Variants in PSD3 observed in about 807,000 individuals in gnomAD.
PSD3 encodes the protein PH and SEC7 domain-containing protein 3.
In PSD3, 49 loss-of-function variants were observed where a neutral mutation model predicts 105.5. The ratio of observed to expected loss-of-function variants is 0.46; its 90% CI spans 0.37 to 0.59. PSD3 has a LOEUF of 0.59. Ranked by LOEUF, PSD3 falls within the 20% of genes least tolerant of loss-of-function variation. The pLI is 0.00. For synonymous variants in PSD3, 557 were observed against 457.8 expected, an observed-to-expected ratio of 1.22 and a Z score of -2.77; for missense variants, 1,561 against 1,263.8, an observed-to-expected ratio of 1.24 and a Z score of -3.57.
chr8:18,575,842 G>T (rs952154202), intron 12 of PSD3, among the ~76,000 whole-genome samples: 30 of 152,068 alleles, frequency 2.0e-4, no homozygotes, highest in Non-Finnish European at 2.8e-4. Flanking sequence ...TCTGCTGAAA[G>T]AAAAGAGGAA....
intron 10 of PSD3, among the ~76,000 whole-genome samples, chr8:18,642,273 G>A (rs1461932286): frequency 6.6e-6 from 1 of 151,898 alleles, no homozygotes; most frequent in Non-Finnish European, 1.5e-5. Context: ...ATTTTTAAGG[G>A]GCAACTAAAA....
intron 1 of PSD3, among the ~76,000 whole-genome samples, chr8:18,960,941 G>A (rs185980874): frequency 1.1e-3 from 173 of 151,930 alleles, no homozygotes; most frequent in Non-Finnish European, 2.1e-3. Flanking sequence ...CAAAAACTAG[G>A]CTGTTGTGGC....
chr8:18,933,544 T>C (rs559392484), intron 2 of PSD3, among the ~76,000 whole-genome samples: 1 of 152,334 alleles, frequency 6.6e-6, no homozygotes, highest in South Asian at 2.1e-4. Flanking sequence ...CTCGGCTCAC[T>C]GCAACTTCTG....
chr8:18,915,641 T>C (rs1190842694), intron 2 of PSD3, among the ~76,000 whole-genome samples: 1 of 152,112 alleles, frequency 6.6e-6, no homozygotes, highest in African/African-American at 2.4e-5. Context: ...ATGTCACTAA[T>C]CATCATCCAG....
intron 4 of PSD3, among the ~76,000 whole-genome samples, chr8:18,857,981 G>A: frequency 6.6e-6 from 1 of 152,150 alleles, no homozygotes; most frequent in East Asian, 1.9e-4. Context: ...CATTAGACAG[G>A]ACAGAGATTA....
At chr8:18,944,099 T>G (rs1822717205) in intron 1 of PSD3, among the ~76,000 whole-genome samples, 1 of 152,172 alleles carries the variant, frequency 6.6e-6, no homozygotes, top group African/African-American at 2.4e-5. Flanking sequence ...TTTGAAAGTT[T>G]CAGGCCAGTT....
intron 11 of PSD3, among the ~76,000 whole-genome samples, chr8:18,621,731 G>A (rs529101818): frequency 9.9e-5 from 15 of 152,224 alleles, no homozygotes; most frequent in Non-Finnish European, 2.2e-4. Flanking sequence ...ACAGCCAAGT[G>A]CCAAGGGAAG....
chr8:18,969,638 A>C (rs1279818188), intron 1 of PSD3, among the ~76,000 whole-genome samples: 1 of 152,244 alleles, frequency 6.6e-6, no homozygotes, highest in African/African-American at 2.4e-5. Context: ...GTTCATCTTT[A>C]GGTAAATTCA....
chr8:19,016,765 T>A (rs1827191423), upstream of PSD3, among the ~76,000 whole-genome samples: 1 of 152,208 alleles, frequency 6.6e-6, no homozygotes, highest in Non-Finnish European at 1.5e-5. Flanking sequence ...CAACAGCACA[T>A]GGTGAGGGTG....
At chr8:18,770,048 T>C (rs1431356758) in intron 8 of PSD3, among the ~76,000 whole-genome samples, 1 of 152,230 alleles carries the variant, frequency 6.6e-6, no homozygotes, top group African/African-American at 2.4e-5. Flanking sequence ...TTTAAGGAAC[T>C]GCCAGACTCA....
Position 18,529,925 on chromosome 8 carries a change from C to T in PSD3, c.*5818G>A, listed in dbSNP as rs1799563997. On this transcript the variant is annotated 3_prime_UTR_variant, in exon 16 of 16. Coordinates refer to ENST00000327040, the MANE Select transcript of PSD3 (RefSeq NM_015310.4). ...GAGCCAGTCCACTGCACGTCAAGAACCAATTAGGAAAAATGATATATTTGC... is the reference window on the plus strand; with the variant it reads ...GAGCCAGTCCACTGCACGTCAAGAATCAATTAGGAAAAATGATATATTTGC... The T allele has an allele frequency of 6.6e-6, 1 of 152,194 alleles. No homozygotes were observed. Among genetic ancestry groups the T allele is most frequent in the African/African-American group, 2.4e-5 (1 of 41,406 alleles). The allele number at this position is 152,194 out of a possible 1,614,324, so 9.4% of individuals were successfully genotyped here.
intron 4 of PSD3, among the ~76,000 whole-genome samples, chr8:18,866,660 A>G (rs1229107063): frequency 6.6e-6 from 1 of 152,184 alleles, no homozygotes; most frequent in Non-Finnish European, 1.5e-5. Flanking sequence ...CAAGGAGCCA[A>G]TCCTGAATTT....
At chr8:19,063,648 T>C (rs530108590) in intron 1 of PSD3, among the ~76,000 whole-genome samples, 27 of 152,338 alleles carry the variant, frequency 1.8e-4, no homozygotes, top group Non-Finnish European at 1.5e-5. Context: ...TAAAGACTTT[T>C]ACCCAGGTCC....
intron 1 of PSD3, among the ~76,000 whole-genome samples, chr8:18,982,873 T>C (rs1267514929): frequency 2.0e-5 from 3 of 152,188 alleles, no homozygotes; most frequent in African/African-American, 4.8e-5. Flanking sequence ...AAATGAGCAA[T>C]GGCTTCAACT....
chr8:18,707,343 G>T (rs1366771068), intron 9 of PSD3, among the ~76,000 whole-genome samples: 1 of 152,064 alleles, frequency 6.6e-6, no homozygotes, highest in African/African-American at 2.4e-5. Flanking sequence ...TCTATACACA[G>T]CCCACAGCAA....
chr8:18,937,819 G>A (rs1244631767), intron 1 of PSD3, among the ~76,000 whole-genome samples: 1 of 152,242 alleles, frequency 6.6e-6, no homozygotes, highest in Non-Finnish European at 1.5e-5. Context: ...CCTAATTTGG[G>A]CAGGTGGTTA....
chr8:19,071,156 T>C (rs192830062), intron 1 of PSD3, among the ~76,000 whole-genome samples: 1 of 151,988 alleles, frequency 6.6e-6, no homozygotes, highest in East Asian at 1.9e-4. Context: ...GCCTCCTGGG[T>C]TCAAGTGATT....
chr8:18,625,187 TACACACACACACACAC>T (rs3042894), intron 11 of PSD3, among the ~76,000 whole-genome samples: 1 of 149,254 alleles, frequency 6.7e-6, no homozygotes, highest in Non-Finnish European at 1.5e-5. Context: ...AGGTGGGGAA[TACACACACACACACAC>T]ACACACACAC....
In PSD3 at chr8:19,013,634, G is replaced by C; in HGVS notation, c.-51C>G. 4 of 1,320,778 alleles carry C rather than the reference G, an allele frequency of 3.0e-6. No individual in the cohort carries two copies. The highest frequency in any genetic ancestry group is 2.0e-5 in the South Asian group (1 of 49,280). 81.8% of individuals were successfully genotyped at this position (1,320,778 alleles called of 1,614,324 possible). On this transcript the variant is annotated 5_prime_UTR_variant, in exon 1 of 16. Coordinates refer to ENST00000327040, the MANE Select transcript of PSD3 (RefSeq NM_015310.4). The stretch of plus-strand genomic sequence containing the variant: ...CCGAAACCGCCGCCGGGCGCTCCGG[G>C]GCCGCAGCCTCAGGGCGCGAGTGCC...
Sources: gnomAD v4.1 joint callset for allele counts (sites outside exome capture counted in the v4.1 genomes callset) on GRCh38, gnomAD v4.1.1 for gene constraint, MANE v1.5 for transcripts, NCBI Gene and HGNC (gene_info 2026-07-23, HGNC 2026-07-21) for gene names.